Variants in ZNF704 observed in about 807,000 individuals in gnomAD.
ZNF704 encodes the protein zinc finger protein 704.
A neutral mutation model predicts 44.7 loss-of-function variants in ZNF704; 10 were observed. That is an observed-to-expected ratio of 0.22 (90% CI 0.14 to 0.38). The LOEUF (loss-of-function observed/expected upper bound fraction) is 0.38, where lower values mean the gene tolerates loss of function less well. Among genes scored for constraint, ZNF704 ranks in the 10% least tolerant of loss-of-function variants. The pLI is 1.00. For synonymous variants in ZNF704, 211 were observed against 207.6 expected, an observed-to-expected ratio of 1.02 and a Z score of -0.14; for missense variants, 390 against 545.5, an observed-to-expected ratio of 0.71 and a Z score of 2.84.
intron 2 of ZNF704, among the ~76,000 whole-genome samples, chr8:80,706,847 C>T (rs567966375): frequency 6.6e-6 from 1 of 152,316 alleles, no homozygotes; most frequent in Non-Finnish European, 1.5e-5. Flanking sequence ...CTGGATACAC[C>T]TGGGACAGGG....
intron 4 of ZNF704, among the ~76,000 whole-genome samples, chr8:80,674,917 G>A (rs1383349512): frequency 6.6e-6 from 1 of 152,202 alleles, no homozygotes; most frequent in Non-Finnish European, 1.5e-5. Context: ...CCAAGTATCT[G>A]TCTGGAAATG....
chr8:80,780,273 A>C lies in ZNF704; in HGVS notation c.221+41101T>G, dbSNP rs770424120. Among the ~76,000 whole-genome samples, 151 of 152,208 alleles carry C rather than the reference A, an allele frequency of 9.9e-4. 2 individuals are homozygous for C. The highest frequency in any genetic ancestry group is 4.6e-4 in the Admixed American group (7 of 15,272). ...GAGAGCCCTAAATGTCAGGCTTAGA[A>C]GTATGTTCTGAACTTTTCGAAGAGT... On this transcript the variant is annotated intron_variant, in intron 2 of 8. Coordinates refer to ENST00000327835, the MANE Select transcript of ZNF704 (RefSeq NM_001033723.3).
chr8:80,706,356 T>C (rs1173949554), intron 2 of ZNF704, among the ~76,000 whole-genome samples: 1 of 152,244 alleles, frequency 6.6e-6, no homozygotes, highest in African/African-American at 2.4e-5. Flanking sequence ...CCCTAGTTTT[T>C]TTTTTAATAG....
chr8:80,860,174 G>T (rs1039685888), intron 1 of ZNF704, among the ~76,000 whole-genome samples: 2 of 152,206 alleles, frequency 1.3e-5, no homozygotes, highest in Non-Finnish European at 2.9e-5. Context: ...GTAAACAAGA[G>T]CTTCTTTGTG....
chr8:80,715,767 T>C (rs1307618988), intron 2 of ZNF704, among the ~76,000 whole-genome samples: 6 of 152,162 alleles, frequency 3.9e-5, no homozygotes, highest in South Asian at 4.1e-4. Flanking sequence ...GAGACTCTAA[T>C]ACAAAGTCAG....
intron 4 of ZNF704, among the ~76,000 whole-genome samples, chr8:80,683,034 T>C (rs1013627629): frequency 6.6e-6 from 1 of 152,184 alleles, no homozygotes; most frequent in Non-Finnish European, 1.5e-5. Context: ...TCTTGTGGAA[T>C]TGATGGTTAA....
At chr8:80,735,714 C>T (rs1008136769) in intron 2 of ZNF704, among the ~76,000 whole-genome samples, 1 of 152,014 alleles carries the variant, frequency 6.6e-6, no homozygotes, top group African/African-American at 2.4e-5. Flanking sequence ...TATTTTTTTT[C>T]CATGGGTTAT....
chr8:80,665,829 TTA>T (rs200533941), intron 5 of ZNF704, among the ~76,000 whole-genome samples: 2 of 151,064 alleles, frequency 1.3e-5, no homozygotes, highest in Non-Finnish European at 3.0e-5. Flanking sequence ...TTATTTTATT[TTA>T]TTTTTTTTTC....
At chr8:80,873,383 T>C (rs1299215561) in intron 1 of ZNF704, among the ~76,000 whole-genome samples, 1 of 151,928 alleles carries the variant, frequency 6.6e-6, no homozygotes, top group Non-Finnish European at 1.5e-5. Context: ...TTCCTCGCGC[T>C]GCCCCGCGCG....
intron 2 of ZNF704, among the ~76,000 whole-genome samples, chr8:80,763,646 A>G (rs866070344): frequency 7.4e-4 from 112 of 152,152 alleles, no homozygotes; most frequent in African/African-American, 2.5e-3. Context: ...TCCTGGAGAC[A>G]TTTCCCCCAT....
chr8:80,642,883 G>A (rs1817766670), intron 8 of ZNF704, 152 bp downstream of exon 8: 1 of 456,772 alleles, frequency 2.2e-6, no homozygotes, highest in Non-Finnish European at 3.8e-6. Flanking sequence ...AATAGGTAAT[G>A]GATGGTAAAA....
intron 4 of ZNF704, among the ~76,000 whole-genome samples, chr8:80,682,146 A>G (rs1334657977): frequency 6.6e-6 from 1 of 152,230 alleles, no homozygotes; most frequent in Non-Finnish European, 1.5e-5. Context: ...TTAAGTCAGC[A>G]GAGAGACTGG....
intron 2 of ZNF704, among the ~76,000 whole-genome samples, chr8:80,707,532 C>T (rs935885851): frequency 1.3e-5 from 2 of 152,064 alleles, no homozygotes; most frequent in Non-Finnish European, 2.9e-5. Flanking sequence ...AAACTCTAAC[C>T]TCTACACTGA....
chr8:80,718,144 T>C (rs566394199), intron 2 of ZNF704, among the ~76,000 whole-genome samples: 1 of 152,164 alleles, frequency 6.6e-6, no homozygotes, highest in Non-Finnish European at 1.5e-5. Flanking sequence ...GTCAGTATGG[T>C]TTATGATTTT....
At chr8:80,712,874 TTTTG>T (rs972175939) in intron 2 of ZNF704, among the ~76,000 whole-genome samples, 12 of 151,580 alleles carry the variant, frequency 7.9e-5, no homozygotes, top group African/African-American at 1.2e-4. Context: ...GTAGGGGTTT[TTTTG>T]TTTGTTTGTT....
intron 2 of ZNF704, among the ~76,000 whole-genome samples, chr8:80,723,333 T>G (rs945250347): frequency 7.2e-5 from 11 of 152,186 alleles, no homozygotes; most frequent in African/African-American, 2.2e-4. Context: ...TACTAGTAAC[T>G]GTAAGTATAA....
At chr8:80,705,267 T>C (rs1818877926) in intron 2 of ZNF704, among the ~76,000 whole-genome samples, 1 of 152,052 alleles carries the variant, frequency 6.6e-6, no homozygotes, top group South Asian at 2.1e-4. Context: ...ATTTGGATAG[T>C]GTGTGTTTTG....
At chr8:80,883,039 A>G in the ZNF704 span, among the ~76,000 whole-genome samples, 10 of 145,338 alleles carry the variant, frequency 6.9e-5, no homozygotes, top group Non-Finnish European at 1.5e-4. Flanking sequence ...GGAGTTCAAG[A>G]CCAGACTGGG....
At chr8:80,707,627 T>C (rs956047024) in intron 2 of ZNF704, among the ~76,000 whole-genome samples, 3 of 152,264 alleles carry the variant, frequency 2.0e-5, no homozygotes, top group Admixed American at 1.3e-4. Flanking sequence ...CAATTTCATA[T>C]GGTTCAGCCT....
Sources: gnomAD v4.1 joint callset for allele counts (sites outside exome capture counted in the v4.1 genomes callset) on GRCh38, gnomAD v4.1.1 for gene constraint, MANE v1.5 for transcripts, NCBI Gene and HGNC (gene_info 2026-07-23, HGNC 2026-07-21) for gene names.